Variants in UNC13C observed in about 807,000 individuals in gnomAD.
The protein encoded by UNC13C is unc-13 homolog C.
UNC13C carries 174 observed loss-of-function variants against 245.4 expected under a neutral mutation model. That is an observed-to-expected ratio of 0.71 (90% CI 0.63 to 0.80). The LOEUF (loss-of-function observed/expected upper bound fraction) is 0.80, where lower values mean the gene tolerates loss of function less well. Ranked by LOEUF, UNC13C falls within the 30% of genes least tolerant of loss-of-function variation. The pLI is 0.00. For synonymous variants in UNC13C, 992 were observed against 895.1 expected, an observed-to-expected ratio of 1.11 and a Z score of -1.93; for missense variants, 2,829 against 2,602.9, an observed-to-expected ratio of 1.09 and a Z score of -1.89.
intron 19 of UNC13C, among the ~76,000 whole-genome samples, chr15:54,418,067 CCCTTCTA>C (rs1351053731): frequency 6.6e-6 from 1 of 151,968 alleles, no homozygotes; most frequent in African/African-American, 2.4e-5. Context: ...GTTTTCTAGT[CCCTTCTA>C]TATTGAAGTA....
At chr15:54,164,557 G>A (rs16974251) in intron 4 of UNC13C, among the ~76,000 whole-genome samples, 3,604 of 152,264 alleles carry the variant, frequency 0.024, 148 homozygotes, top group African/African-American at 0.077. Context: ...AACAGAACAT[G>A]AGCCTTACAT....
At chr15:53,963,786 A>C in the UNC13C span, among the ~76,000 whole-genome samples, 1 of 152,198 alleles carries the variant, frequency 6.6e-6, no homozygotes, top group Non-Finnish European at 1.5e-5. Context: ...TGAGGAACCA[A>C]TGGCTGACAT....
At chr15:54,098,480 A>G (rs1411274828) in intron 2 of UNC13C, among the ~76,000 whole-genome samples, 2 of 152,100 alleles carry the variant, frequency 1.3e-5, no homozygotes, top group African/African-American at 4.8e-5. Flanking sequence ...CGGCCCCTCC[A>G]TAGCTTCTTC....
chr15:54,130,822 C>A (rs1283732897), intron 2 of UNC13C, among the ~76,000 whole-genome samples: 5 of 152,074 alleles, frequency 3.3e-5, no homozygotes, highest in Admixed American at 6.5e-5. Flanking sequence ...TAATAATATT[C>A]TTTCTGGTTT....
chr15:54,466,820 A>G (rs1230151245), intron 19 of UNC13C, among the ~76,000 whole-genome samples: 1 of 151,942 alleles, frequency 6.6e-6, no homozygotes, highest in Admixed American at 6.6e-5. Context: ...AAAATTCAAA[A>G]AGAGAAAAAT....
chr15:54,027,435 C>G (rs1177326309), intron 2 of UNC13C, among the ~76,000 whole-genome samples: 1 of 151,920 alleles, frequency 6.6e-6, no homozygotes, highest in Non-Finnish European at 1.5e-5. Context: ...GTGGCAGGAT[C>G]TCGGCTCACT....
chr15:54,274,734 C>T (rs946866628), intron 10 of UNC13C, among the ~76,000 whole-genome samples: 1 of 131,102 alleles, frequency 7.6e-6, no homozygotes, highest in Non-Finnish European at 1.5e-5. Flanking sequence ...TGCAGTGGCG[C>T]GATCTCGGCT....
chr15:54,371,244 A>C (rs756926476), intron 17 of UNC13C, among the ~76,000 whole-genome samples: 16 of 152,164 alleles, frequency 1.1e-4, no homozygotes, highest in Non-Finnish European at 2.1e-4. Flanking sequence ...CTAAGAGATC[A>C]ACTTTTTTAG....
At chr15:54,376,326 C>T (rs1320832582) in intron 17 of UNC13C, among the ~76,000 whole-genome samples, 1 of 151,866 alleles carries the variant, frequency 6.6e-6, no homozygotes, top group Admixed American at 6.6e-5. Flanking sequence ...TAAGATTCCT[C>T]TAAAGACAAA....
chr15:54,148,346 T>A (rs2032370510), intron 4 of UNC13C, among the ~76,000 whole-genome samples: 2 of 152,320 alleles, frequency 1.3e-5, no homozygotes, highest in South Asian at 4.1e-4. Flanking sequence ...AATTCCATTG[T>A]TTTTCTTAAA....
rs150733031 is a variant in UNC13C, at chr15:54,487,108, G to A, written c.4934-7500G>A. Among the ~76,000 whole-genome samples, 680 of 152,198 alleles carry A rather than the reference G, an allele frequency of 4.5e-3. 4 individuals carry two copies. The highest frequency in any genetic ancestry group is 0.015 in the African/African-American group (630 of 41,534). On this transcript the variant is annotated intron_variant, in intron 19 of 32. Transcript: ENST00000260323. ...CAACCAGAACATACTCATAGATCTA[G>A]GCCAGAATTCTACGTAGATCAATCA... is the stretch of plus-strand genomic sequence containing the variant.
chr15:54,537,388 TG>T (rs1330975400), intron 26 of UNC13C, among the ~76,000 whole-genome samples: 1 of 152,012 alleles, frequency 6.6e-6, no homozygotes. Flanking sequence ...GACTCAATAT[TG>T]TTAAAATGGC....
chr15:54,623,279 GCAAAATATTATTAGCAGTTGA>G (rs1197817953), intron 31 of UNC13C, among the ~76,000 whole-genome samples: 6 of 151,774 alleles, frequency 4.0e-5, no homozygotes, highest in African/African-American at 1.5e-4. Flanking sequence ...TAGCCACAGA[GCAAAATATTATTAGCAGTTGA>G]CAAAATATAT....
intron 20 of UNC13C, among the ~76,000 whole-genome samples, chr15:54,496,595 G>T (rs66833516): frequency 0.15 from 22,101 of 151,198 alleles, 1,763 homozygotes; most frequent in Middle Eastern, 0.21. Context: ...GTGTGTGTGT[G>T]TATATATATA....
intron 10 of UNC13C, among the ~76,000 whole-genome samples, chr15:54,284,619 ACACTTGTG>A (rs1164521015): frequency 1.4e-5 from 2 of 139,458 alleles, no homozygotes; most frequent in Non-Finnish European, 3.2e-5. Flanking sequence ...GCACATGTGC[ACACTTGTG>A]CACACACACA....
intron 19 of UNC13C, among the ~76,000 whole-genome samples, chr15:54,449,924 A>G (rs1891074359): frequency 1.3e-5 from 2 of 152,172 alleles, no homozygotes; most frequent in East Asian, 1.9e-4. Flanking sequence ...TTGGTCTTTG[A>G]TGATGGTGAC....
chr15:54,154,828 T>G (rs1200556215), intron 4 of UNC13C, among the ~76,000 whole-genome samples: 1 of 152,182 alleles, frequency 6.6e-6, no homozygotes, highest in Non-Finnish European at 1.5e-5. Context: ...GTCCTGAGCT[T>G]CTCATTGGAC....
At chr15:53,950,572 T>C in the UNC13C span, among the ~76,000 whole-genome samples, 6 of 152,152 alleles carry the variant, frequency 3.9e-5, no homozygotes, top group African/African-American at 1.4e-4. Context: ...ATCAAAGGTG[T>C]CAACTGATAC....
intron 2 of UNC13C, among the ~76,000 whole-genome samples, chr15:54,097,796 T>C (rs1899950204): frequency 6.6e-6 from 1 of 152,236 alleles, no homozygotes; most frequent in Non-Finnish European, 1.5e-5. Flanking sequence ...GATTGATCGC[T>C]AAGAGGAATT....
Sources: allele counts gnomAD v4.1 joint callset (sites outside exome capture counted in the v4.1 genomes callset), GRCh38; gene constraint gnomAD v4.1.1; transcripts MANE v1.5; gene names NCBI Gene and HGNC (gene_info 2026-07-23, HGNC 2026-07-21).